Variants in EMID1 observed in about 807,000 individuals in gnomAD.
EMID1 encodes EMI domain-containing protein 1.
EMID1 carries 40 observed loss-of-function variants against 60.6 expected under a neutral mutation model. The ratio of observed to expected loss-of-function variants is 0.66; its 90% CI spans 0.51 to 0.86. EMID1 has a LOEUF of 0.86. EMID1 is among the 40% of genes least tolerant of loss of function. EMID1 has a pLI of 0.00. For synonymous variants in EMID1, 242 were observed against 231.0 expected (o/e 1.05, Z -0.43); for missense variants, 585 against 597.1 (o/e 0.98, Z 0.21).
chr22:29,244,426 TAAAATACAAA>T (rs2041253939), intron 13 of EMID1, among the ~76,000 whole-genome samples: 1 of 151,856 alleles, frequency 6.6e-6, no homozygotes, highest in Non-Finnish European at 1.5e-5. Flanking sequence ...CCCCCATCTC[TAAAATACAAA>T]AAAATACAAA....
intron 1 of EMID1, among the ~76,000 whole-genome samples, chr22:29,214,097 G>A (rs2039991817): frequency 6.6e-6 from 1 of 152,216 alleles, no homozygotes; most frequent in African/African-American, 2.4e-5. Context: ...TTGGTGTTTG[G>A]AGAACTCAGT....
intron 12 of EMID1, among the ~76,000 whole-genome samples, chr22:29,235,132 G>C (rs2040895097): frequency 6.6e-6 from 1 of 152,160 alleles, no homozygotes; most frequent in African/African-American, 2.4e-5. Context: ...TGGATCACCT[G>C]AGGTCAGAAG....
intron 3 of EMID1, among the ~76,000 whole-genome samples, chr22:29,218,363 G>T (rs113311204): frequency 7.2e-5 from 11 of 152,342 alleles, no homozygotes; most frequent in African/African-American, 2.4e-4. Context: ...ACTTTGTGAC[G>T]AATGAGGATT....
chr22:29,245,293 G>A (rs1254003743), intron 13 of EMID1, among the ~76,000 whole-genome samples: 1 of 152,168 alleles, frequency 6.6e-6, no homozygotes, highest in Admixed American at 6.5e-5. Flanking sequence ...CTAATTACTG[G>A]CCTCTCCCAG....
In EMID1 at chr22:29,259,178, G is replaced by A; in HGVS notation, c.*234G>A. The A allele has an allele frequency of 1.6e-6, 1 of 611,970 alleles. No individual in the cohort carries two copies. Among genetic ancestry groups the A allele is most frequent in the Non-Finnish European group, 2.7e-6 (1 of 371,602 alleles). The allele number at this position is 611,970 out of a possible 1,614,324, so 37.9% of individuals were successfully genotyped here. On this transcript the variant is annotated 3_prime_UTR_variant, in exon 15 of 15. Transcript: ENST00000334018. ...AGTTTCCCTCTGTGAAGTGGGGGGAGGCAGGCCTTCAAGGAGGGATAGAGG... is the reference window on the plus strand; with the variant it reads ...AGTTTCCCTCTGTGAAGTGGGGGGAAGCAGGCCTTCAAGGAGGGATAGAGG...
Position 29,226,662 on chromosome 22 carries a change from G to T in EMID1, c.465+111G>T, listed in dbSNP as rs1003631128. On this transcript the variant is annotated intron_variant, in intron 5 of 14. Transcript: ENST00000334018. The stretch of plus-strand genomic sequence containing the variant: ...CCCGCACCCCATGCTCGCACCCTCA[G>T]TGAACCCACAGGGCAGCTCTGAACT... 20 of 1,116,042 alleles carry T rather than the reference G, an allele frequency of 1.8e-5. No individual in the cohort carries two copies. In the African/African-American group the frequency reaches 2.6e-4, roughly 14 times the overall value. The allele number at this position is 1,116,042 out of a possible 1,614,324, so 69.1% of individuals were successfully genotyped here. A position where few individuals can be genotyped will look rare whatever the true frequency, so the allele number is the denominator to read the frequency against.
At chr22:29,249,253 T>A (rs1044113539) in intron 13 of EMID1, among the ~76,000 whole-genome samples, 9 of 152,164 alleles carry the variant, frequency 5.9e-5, no homozygotes, top group African/African-American at 2.2e-4. Flanking sequence ...TTCCTTTTTT[T>A]TGAGATGGAG....
At chr22:29,253,110 C>A (rs990556815) in intron 13 of EMID1, among the ~76,000 whole-genome samples, 11 of 152,204 alleles carry the variant, frequency 7.2e-5, no homozygotes, top group Admixed American at 5.9e-4. Context: ...AACTTACTTC[C>A]AAATAAACCC....
intron 14 of EMID1, 60 bp downstream of exon 14, chr22:29,254,347 G>C: frequency 2.0e-6 from 3 of 1,537,004 alleles, no homozygotes; most frequent in Non-Finnish European, 2.7e-6. Context: ...CCTTCCCCAA[G>C]CCCTCCTGGG....
intron 3 of EMID1, among the ~76,000 whole-genome samples, chr22:29,224,873 G>A (rs1403235001): frequency 6.6e-6 from 1 of 152,134 alleles, no homozygotes; most frequent in Non-Finnish European, 1.5e-5. Flanking sequence ...AGGCTGGTTG[G>A]GGTCATTGGG....
chr22:29,249,060 C>G (rs1352175275), intron 13 of EMID1, among the ~76,000 whole-genome samples: 2 of 151,976 alleles, frequency 1.3e-5, no homozygotes, highest in Non-Finnish European at 2.9e-5. Flanking sequence ...GCTGCAAAAC[C>G]CAGCCACGTT....
intron 4 of EMID1, among the ~76,000 whole-genome samples, chr22:29,225,748 C>T (rs2040482100): frequency 1.3e-5 from 2 of 152,224 alleles, no homozygotes; most frequent in South Asian, 4.1e-4. Context: ...TGCTCTGAGC[C>T]GTGTCCTCAG....
In EMID1 at chr22:29,243,485, ACTGGGTAAG is replaced by A. The variant is rs765903630; in HGVS notation, c.1118_1119+7del. ...AAGGGAGACCCTGGTGAGAAGAGCC[ACTGGGTAAG>A]CTCTGGCCTGGCACTGGCCTCTCCC... On this transcript the variant is annotated splice_donor_variant and splice_donor_5th_base_variant and coding_sequence_variant and intron_variant, in exon 13 of 15. Transcript: ENST00000334018. LOFTEE classifies it high-confidence loss of function. 6.2e-7 allele frequency: 1 copy of A among 1,614,092 alleles called. No homozygotes were observed. The highest frequency in any genetic ancestry group is 1.1e-5 in the South Asian group (1 of 91,078).
At position 29,252,967 on chromosome 22, in the gene EMID1, C is replaced by T. The variant is rs553780724; in HGVS notation, c.1120-1236C>T. Among the ~76,000 whole-genome samples, 4 of 152,328 alleles carry T rather than the reference C, an allele frequency of 2.6e-5. No homozygotes were observed. In the East Asian group the frequency reaches 7.7e-4, roughly 29 times the overall value. On this transcript the variant is annotated intron_variant, in intron 13 of 14. Coordinates refer to ENST00000334018, the MANE Select transcript of EMID1 (RefSeq NM_133455.4). ...TCTCAGAATTTTAAGCGCAAGTTCT[C>T]CAAAAGCAATGTAACTCAAACCTTG...
At chr22:29,236,808 A>C (rs1056735150) in intron 12 of EMID1, among the ~76,000 whole-genome samples, 1 of 128,774 alleles carries the variant, frequency 7.8e-6, no homozygotes, top group African/African-American at 2.9e-5. Context: ...TTTTTTTTTT[A>C]TTTTTTGAGG....
At chr22:29,232,668 G>T in intron 8 of EMID1, 1 of 429,098 alleles carries the variant, frequency 2.3e-6, no homozygotes, top group Non-Finnish European at 4.1e-6. Flanking sequence ...CAGAACCTGT[G>T]CTTAGAGCCA....
At chr22:29,221,876 C>T (rs1375177310) in intron 3 of EMID1, among the ~76,000 whole-genome samples, 1 of 152,138 alleles carries the variant, frequency 6.6e-6, no homozygotes, top group African/African-American at 2.4e-5. Flanking sequence ...GTCTTTTGAA[C>T]AGTTTTGTTA....
chr22:29,208,265 G>A (rs1464684473), intron 1 of EMID1, among the ~76,000 whole-genome samples: 1 of 152,180 alleles, frequency 6.6e-6, no homozygotes, highest in Non-Finnish European at 1.5e-5. Flanking sequence ...GGGACCAGAC[G>A]CAGAAAAGAG....
chr22:29,237,103 C>CTTAGAATTTCCATCTCTCTGCTTA (rs1273523401), intron 12 of EMID1, among the ~76,000 whole-genome samples: 26 of 111,670 alleles, frequency 2.3e-4, no homozygotes, highest in South Asian at 6.0e-4. Flanking sequence ...CTACTATTTT[C>CTTAGAATTTCCATCTCTCTGCTTA]TATTTGTTTT....
Sources: gnomAD v4.1 joint callset for allele counts (sites outside exome capture counted in the v4.1 genomes callset) on GRCh38, gnomAD v4.1.1 for gene constraint, MANE v1.5 for transcripts, NCBI Gene and HGNC (gene_info 2026-07-23, HGNC 2026-07-21) for gene names.